CLU: variants seen among roughly 807,000 people sequenced by gnomAD.
CLU encodes clusterin.
A neutral mutation model predicts 46.4 loss-of-function variants in CLU; 25 were observed. The observed-to-expected ratio is 0.54, with a 90% confidence interval of 0.39 to 0.75. The LOEUF is 0.75. Among genes scored for constraint, CLU ranks in the 30% least tolerant of loss-of-function variants. The probability of loss-of-function intolerance (pLI) is 0.00; values close to 1 mark genes in which losing one functional copy is unlikely to be tolerated. For synonymous variants in CLU, 235 were observed against 235.1 expected (o/e 1.00, Z 0.00); for missense variants, 504 against 592.1 (o/e 0.85, Z 1.54).
At chr8:27,603,434 G>T (rs901853890) in intron 6 of CLU, among the ~76,000 whole-genome samples, 1 of 152,170 alleles carries the variant, frequency 6.6e-6, no homozygotes. Context: ...CATTAAGTAA[G>T]AGCAAAGCCA....
At chr8:27,598,389 T>C (rs1005763100) in intron 8 of CLU, 71 bp downstream of exon 8, 2 of 1,606,720 alleles carry the variant, frequency 1.2e-6, no homozygotes, top group Non-Finnish European at 1.7e-6. Context: ...GTCTGCACTT[T>C]GTTTGTTTTT....
At chr8:27,607,320 G>C (rs1020378879) in intron 3 of CLU, among the ~76,000 whole-genome samples, 1 of 149,634 alleles carries the variant, frequency 6.7e-6, no homozygotes, top group Non-Finnish European at 1.5e-5. Flanking sequence ...CTGGGTGACA[G>C]AGCAAGACTC....
At position 27,599,740 on chromosome 8, in the gene CLU, G is replaced by A. The variant is rs376491107; in HGVS notation, c.1164+40C>T. 6.4e-5 allele frequency: 94 copies of A among 1,464,770 alleles called. No homozygotes were observed. Among genetic ancestry groups the A allele is most frequent in the Non-Finnish European group, 8.6e-5 (91 of 1,059,626 alleles). 90.7% of individuals were successfully genotyped at this position (1,464,770 alleles called of 1,614,324 possible). ...ATGCCCCTGCTCCCGATCACAGCTC[G>A]GGCTCCCGAGCCACAGCATGTGGCC... On this transcript the variant is annotated intron_variant, in intron 7 of 8. Transcript: ENST00000316403. This position sits in a 1 kb window ranked among gnomAD's most constrained non-coding sequence, Gnocchi z 4.0.
intron 1 of CLU, chr8:27,611,219 G>A: frequency 4.4e-6 from 2 of 454,194 alleles, no homozygotes; most frequent in Non-Finnish European, 8.8e-6. Flanking sequence ...ATCCCTAGTG[G>A]GAGACTTGGG....
In CLU at chr8:27,604,380, C is replaced by G. The variant is rs139565837; in HGVS notation, c.845G>C (p.Arg282Pro). 1 of 1,614,052 alleles carries G rather than the reference C, an allele frequency of 6.2e-7. No individual in the cohort carries two copies. Among genetic ancestry groups the G allele is most frequent in the African/African-American group, 1.3e-5 (1 of 74,928 alleles). Residue 282 changes from arginine to proline, a missense_variant, in exon 6 of 9, where the codon CGG becomes CCG. Around this residue, in one of 3 missense-constraint regions of CLU, gnomAD observed 428 missense variants for 484.0 expected, o/e 0.88. Coordinates refer to ENST00000316403, the MANE Select transcript of CLU (RefSeq NM_001831.4). ...TEFIREGDDDRTVCREIRHNS... is the reference protein window; with the variant it reads ...TEFIREGDDDPTVCREIRHNS... The stretch of plus-strand genomic sequence containing the variant: ...GTGGCGGATCTCCCGGCACACAGTC[C>G]GGTCATCGTCGCCTTCTGGGGACAC...
Position 27,598,599 on chromosome 8 carries a change from C to A in CLU, c.1201G>T (p.Gly401Cys). The A allele has an allele frequency of 1.2e-6, 2 of 1,614,112 alleles. No individual in the cohort carries two copies. Among genetic ancestry groups the A allele is most frequent in the South Asian group, 2.2e-5 (2 of 91,080 alleles). Residue 401 changes from glycine to cysteine, a missense_variant, in exon 8 of 9, where the codon GGT becomes TGT. Gly to Cys is a radical substitution (Grantham distance 159). Coordinates refer to ENST00000316403, the MANE Select transcript of CLU (RefSeq NM_001831.4). The part of the protein sequence containing the change: ...SHTSDSDVPS[G>C]VTEVVVKLFD... ...AGCTTCACGACCACCTCAGTGACAC[C>A]GGAAGGAACGTCCGAGTCAGAAGTG...
chr8:27,604,213 GC>G lies in CLU; in HGVS notation c.934+77del, dbSNP rs1455155252. The G allele has an allele frequency of 4.5e-6, 5 of 1,105,138 alleles. No individual in the cohort carries two copies. The African/African-American group carries it at 7.7e-5, about 17-fold the overall frequency. 68.5% of individuals were successfully genotyped at this position (1,105,138 alleles called of 1,614,324 possible). A position where few individuals can be genotyped will look rare whatever the true frequency, so the allele number is the denominator to read the frequency against. On this transcript the variant is annotated intron_variant, in intron 6 of 8. Transcript: ENST00000316403. ...CGCTTATCTGTCTGACTCCATAAAG[GC>G]AGCACCAGTGAGGCCCCAGTGACCC... is the stretch of plus-strand genomic sequence containing the variant.
Position 27,599,929 on chromosome 8 carries a change from T to A in CLU, c.1015A>T (p.Arg339Trp). The A allele has an allele frequency of 4.3e-6, 7 of 1,614,212 alleles. No individual in the cohort carries two copies. The highest frequency in any genetic ancestry group is 5.9e-6 in the Non-Finnish European group (7 of 1,180,024). The change falls in exon 7 of 9, where the codon AGG (arginine) becomes TGG (tryptophan). Residue 339 changes from arginine (R) to tryptophan (W), a missense_variant. Physicochemically the swap from Arg to Trp is moderately radical, Grantham distance 101. Around this residue, in one of 3 missense-constraint regions of CLU, gnomAD observed 428 missense variants for 484.0 expected, o/e 0.88. Transcript: ENST00000316403. This position sits in a 1 kb window ranked among gnomAD's most constrained non-coding sequence, Gnocchi z 4.0. ...ESLQVAERLT[R>W]KYNELLKSYQ... is the part of the protein sequence containing the mutation. Reference sequence around the variant, plus strand: ...GACTTTAGCAGCTCGTTGTATTTCCTGGTCAACCTCTCAGCGACCTGGAGG... The same window carrying A: ...GACTTTAGCAGCTCGTTGTATTTCCAGGTCAACCTCTCAGCGACCTGGAGG...
rs148626219 is a variant in CLU, at chr8:27,598,495, C to T, written c.1305G>A (p.Ala435=). Residue 435 remains alanine, a synonymous_variant, in exon 8 of 9, where the codon GCG becomes GCA. Coordinates refer to ENST00000316403, the MANE Select transcript of CLU (RefSeq NM_001831.4). ...RKNPKFMETV[A]EKALQEYRKK... ...TGCGGTATTCCTGCAGCGCTTTCTC[C>T]GCCACGGTCTCCATAAATTTAGGGT... 1.2e-4 allele frequency: 190 copies of T among 1,613,958 alleles called. No individual in the cohort carries two copies. Among genetic ancestry groups the T allele is most frequent in the Non-Finnish European group, 1.5e-4 (174 of 1,180,042 alleles).
chr8:27,602,017 G>A (rs1212015432), intron 6 of CLU, among the ~76,000 whole-genome samples: 2 of 152,136 alleles, frequency 1.3e-5, no homozygotes, highest in African/African-American at 4.8e-5. Flanking sequence ...CTTGAACCCA[G>A]GAAGCAGAGG....
chr8:27,605,386 C>A lies in CLU; in HGVS notation c.418-51G>T, dbSNP rs1371758618. On this transcript the variant is annotated intron_variant, in intron 4 of 8. Transcript: ENST00000316403. ...TAGGAGAAGCTCACCAAGGCCACGG[C>A]CTCCTGGCCTCCCACCCCCTGGTGA... The A allele has an allele frequency of 3.8e-6, 6 of 1,590,634 alleles. No homozygotes were observed. In the African/African-American group the frequency reaches 6.7e-5, roughly 18 times the overall value.
intron 4 of CLU, 144 bp downstream of exon 4, chr8:27,606,210 C>T: frequency 1.1e-6 from 1 of 894,992 alleles, no homozygotes; most frequent in South Asian, 1.5e-5. Context: ...CTACTCATGC[C>T]AGACATTACC....
At position 27,597,797 on chromosome 8, in the gene CLU, T is replaced by G. The variant is rs1398183437; in HGVS notation, c.*444A>C. On this transcript the variant is annotated 3_prime_UTR_variant, in exon 9 of 9. Transcript: ENST00000316403. ...TCTCTTCCTGAAAGCAAGCAATTCT[T>G]GAAGTGGATCAACCTTGTCATCATA... is the stretch of plus-strand genomic sequence containing the variant. The G allele has an allele frequency of 2.2e-6, 1 of 458,968 alleles. No homozygotes were observed. Among genetic ancestry groups the G allele is most frequent in the South Asian group, 1.6e-5 (1 of 64,514 alleles). The allele number at this position is 458,968 out of a possible 1,614,324, so 28.4% of individuals were successfully genotyped here.
intron 2 of CLU, 136 bp from the exon 3 acceptor site, chr8:27,609,222 G>A: frequency 1.1e-6 from 1 of 908,470 alleles, no homozygotes; most frequent in Non-Finnish European, 1.8e-6. Flanking sequence ...CTGCCAGCAG[G>A]CAGCAGCATG....
intron 7 of CLU, 196 bp from the exon 8 acceptor site, chr8:27,598,831 C>T: frequency 1.6e-6 from 1 of 612,760 alleles, no homozygotes; most frequent in South Asian, 1.9e-5. Flanking sequence ...CACAGACACT[C>T]ATGTGTTGGG....
chr8:27,600,065 G>C (rs780973710), intron 6 of CLU, 56 bp from the exon 7 acceptor site: 9 of 1,357,986 alleles, frequency 6.6e-6, no homozygotes, highest in Non-Finnish European at 9.5e-6. Context: ...GCTACAAAGG[G>C]ATAGAACCAT....
intron 1 of CLU, chr8:27,611,512 A>C (rs1367926495): frequency 2.0e-5 from 9 of 457,492 alleles, no homozygotes; most frequent in Non-Finnish European, 1.8e-5. Context: ...CCTTTCCCAG[A>C]AGCTGAGGCT....
chr8:27,604,323 T>C lies in CLU; in HGVS notation c.902A>G (p.Gln301Arg), dbSNP rs1469465665. The change falls in exon 6 of 9, where the codon CAG becomes CGG. Residue 301 changes from glutamine (Q) to arginine (R), a missense_variant. Coordinates refer to ENST00000316403, the MANE Select transcript of CLU (RefSeq NM_001831.4). Reference sequence around the variant, plus strand: ...CAAGATCTCCCGGCACTTGTCACACTGGTCCTTCATCCGCAGGCAGCCCGT... The same window carrying C: ...CAAGATCTCCCGGCACTTGTCACACCGGTCCTTCATCCGCAGGCAGCCCGT... Reference protein sequence around the residue: ...NSTGCLRMKDQCDKCREILSV... With the variant: ...NSTGCLRMKDRCDKCREILSV... The C allele has an allele frequency of 6.2e-7, 1 of 1,614,082 alleles. No homozygotes were observed. The highest frequency in any genetic ancestry group is 1.7e-5 in the Admixed American group (1 of 60,012).
At chr8:27,607,931 G>T (rs1800851131) in intron 3 of CLU, among the ~76,000 whole-genome samples, 1 of 152,096 alleles carries the variant, frequency 6.6e-6, no homozygotes, top group Non-Finnish European at 1.5e-5. Context: ...GAAGTAGCAG[G>T]CTCTTTTCTC....
Sources: gnomAD v4.1 joint callset for allele counts (sites outside exome capture counted in the v4.1 genomes callset) on GRCh38, gnomAD v4.1.1 for gene constraint, gnomAD v4.1.1 regional missense constraint, Gnocchi (gnomAD v3.1) non-coding constraint, MANE v1.5 for transcripts, NCBI Gene and HGNC (gene_info 2026-07-23, HGNC 2026-07-21) for gene names.